The following SNAP29 variants were observed in gnomAD, a reference collection of about 807,000 sequenced individuals.
SNAP29 encodes the protein synaptosome associated protein 29.
SNAP29 carries 13 observed loss-of-function variants against 27.9 expected under a neutral mutation model. That is an observed-to-expected ratio of 0.47 (90% confidence interval 0.30 to 0.74). The LOEUF (loss-of-function observed/expected upper bound fraction) is 0.74. Ranked by LOEUF, SNAP29 falls within the 30% of genes least tolerant of loss-of-function variation. The pLI is 0.06. For missense variants in SNAP29, 368 were observed against 336.5 expected (o/e 1.09, Z -0.73); for synonymous variants, 119 against 127.1 (o/e 0.94, Z 0.43).
At position 20,887,932 on chromosome 22, in the gene SNAP29, T is replaced by A; in HGVS notation, c.*96T>A. The A allele has an allele frequency of 4.1e-6, 5 of 1,207,486 alleles. No homozygotes were observed. The highest frequency in any genetic ancestry group is 3.6e-6 in the Non-Finnish European group (3 of 830,404). The allele number at this position is 1,207,486 out of a possible 1,614,324, so 74.8% of individuals were successfully genotyped here. ...TCATTTACTATTTTAGTATGTAAATTAATGTGTGTTTGCAAATGTTATAAT... is the reference window on the plus strand; with the variant it reads ...TCATTTACTATTTTAGTATGTAAATAAATGTGTGTTTGCAAATGTTATAAT... On this transcript the variant is annotated 3_prime_UTR_variant, in exon 5 of 5. Transcript: ENST00000215730.
In SNAP29 at chr22:20,886,035, A is replaced by G. The variant is rs575833323; in HGVS notation, c.620-1644A>G. On this transcript the variant is annotated intron_variant, in intron 4 of 4. Coordinates refer to ENST00000215730, the MANE Select transcript of SNAP29 (RefSeq NM_004782.4). ...GAGCTTCCTCCTGAGGCCTGAGGCAACCACAGGCTCTGCTCTCCATGGAGC... is the reference window on the plus strand; with the variant it reads ...GAGCTTCCTCCTGAGGCCTGAGGCAGCCACAGGCTCTGCTCTCCATGGAGC... Among the ~76,000 whole-genome samples the G allele has an allele frequency of 9.2e-5, 14 of 151,594 alleles. No homozygotes were observed. In the East Asian group the frequency reaches 2.3e-3, roughly 25 times the overall value.
chr22:20,882,213 G>A (rs1001816265), intron 3 of SNAP29, among the ~76,000 whole-genome samples: 21 of 151,822 alleles, frequency 1.4e-4, no homozygotes, highest in African/African-American at 1.7e-4. Context: ...CTCCAGAACC[G>A]TAAGACAAGT....
chr22:20,867,767 G>C (rs1928495495), intron 1 of SNAP29, among the ~76,000 whole-genome samples: 1 of 152,170 alleles, frequency 6.6e-6, no homozygotes, highest in African/African-American at 2.4e-5. Flanking sequence ...ACAGACTCTG[G>C]GAGTTTGAGA....
chr22:20,887,249 A>G (rs1929039440), intron 4 of SNAP29, among the ~76,000 whole-genome samples: 1 of 151,000 alleles, frequency 6.6e-6, no homozygotes, highest in Non-Finnish European at 1.5e-5. Context: ...CAAAAAACTG[A>G]TTTTGCTTAG....
chr22:20,875,296 T>G (rs73879421), intron 2 of SNAP29, among the ~76,000 whole-genome samples: 1,569 of 152,296 alleles, frequency 0.01, 24 homozygotes, highest in African/African-American at 0.035. Flanking sequence ...CCCAAAGTCA[T>G]GTACCCTGCC....
intron 2 of SNAP29, among the ~76,000 whole-genome samples, chr22:20,880,615 C>G (rs1162618037): frequency 6.6e-6 from 1 of 152,140 alleles, no homozygotes; most frequent in African/African-American, 2.4e-5. Flanking sequence ...TTTGGTTGTT[C>G]CATGTGCTTT....
chr22:20,863,952 T>G (rs117136991), intron 1 of SNAP29, among the ~76,000 whole-genome samples: 4,518 of 152,316 alleles, frequency 0.03, 88 homozygotes, highest in Middle Eastern at 0.061. Context: ...TGGGCTTTCT[T>G]TTTGGCTGTG....
At chr22:20,885,808 A>C (rs1303920320) in intron 4 of SNAP29, among the ~76,000 whole-genome samples, 2 of 152,206 alleles carry the variant, frequency 1.3e-5, no homozygotes, top group Non-Finnish European at 2.9e-5. Flanking sequence ...CCCTGCTGAC[A>C]CAGGCCAGGC....
At chr22:20,870,790 C>T (rs1484710674) in intron 2 of SNAP29, 2 of 559,052 alleles carry the variant, frequency 3.6e-6, no homozygotes, top group African/African-American at 1.9e-5. Context: ...AGAGGGTGTT[C>T]ACCTCAGCGT....
intron 1 of SNAP29, among the ~76,000 whole-genome samples, chr22:20,865,760 G>C (rs947559740): frequency 1.3e-5 from 2 of 152,334 alleles, no homozygotes; most frequent in South Asian, 4.1e-4. Flanking sequence ...GCAGCGTCCA[G>C]GGGAAACCAG....
At position 20,859,045 on chromosome 22, in the gene SNAP29, G is replaced by A; in HGVS notation, c.-66G>A. 2 of 1,437,744 alleles carry A rather than the reference G, an allele frequency of 1.4e-6. No homozygotes were observed. The highest frequency in any genetic ancestry group is 1.9e-6 in the Non-Finnish European group (2 of 1,037,690). 89.1% of individuals were successfully genotyped at this position (1,437,744 alleles called of 1,614,324 possible). On this transcript the variant is annotated 5_prime_UTR_variant, in exon 1 of 5. Coordinates refer to ENST00000215730, the MANE Select transcript of SNAP29 (RefSeq NM_004782.4). Reference sequence around the variant, plus strand: ...CCGCGGGGTCGGCGGGCGGGGCGAGGCCCTGGACGGCGGCGGCAGTGGGGC... The same window carrying A: ...CCGCGGGGTCGGCGGGCGGGGCGAGACCCTGGACGGCGGCGGCAGTGGGGC...
chr22:20,884,766 ATGTTTTGTTT>A lies in SNAP29; in HGVS notation c.619+1215_619+1224del, dbSNP rs361756. 5.3e-4 allele frequency among the ~76,000 whole-genome samples: 80 copies of A among 150,906 alleles called. No individual in the cohort carries two copies. The South Asian group carries it at 6.5e-3, about 12-fold the overall frequency. ...CCCAGCAGGCAAGCACTTAGTGATT[ATGTTTTGTTT>A]TGTTTTGTTTTGTTTTGAGACAGAG... On this transcript the variant is annotated intron_variant, in intron 4 of 4. Transcript: ENST00000215730.
chr22:20,861,771 C>T (rs1446316668), intron 1 of SNAP29, among the ~76,000 whole-genome samples: 1 of 152,092 alleles, frequency 6.6e-6, no homozygotes, highest in African/African-American at 2.4e-5. Flanking sequence ...AGTAGCTGGG[C>T]TTACAGGCAC....
At chr22:20,880,912 AC>A (rs1388159130) in intron 2 of SNAP29, 136 bp from the exon 3 acceptor site, 3 of 649,198 alleles carry the variant, frequency 4.6e-6, no homozygotes, top group Non-Finnish European at 8.4e-6. Flanking sequence ...TGAAATCCCT[AC>A]TTTGGTCAGA....
At chr22:20,869,782 C>T (rs975502855) in intron 1 of SNAP29, among the ~76,000 whole-genome samples, 16 of 152,048 alleles carry the variant, frequency 1.1e-4, no homozygotes, top group Non-Finnish European at 1.8e-4. Flanking sequence ...TCCCCTCACC[C>T]CCAACCGAGA....
Position 20,887,909 on chromosome 22 carries a change from A to G in SNAP29, c.*73A>G. 7.1e-7 allele frequency: 1 copy of G among 1,407,272 alleles called. No homozygotes were observed. The highest frequency in any genetic ancestry group is 1.0e-6 in the Non-Finnish European group (1 of 999,046). 87.2% of individuals were successfully genotyped at this position (1,407,272 alleles called of 1,614,324 possible). A position where few individuals can be genotyped will look rare whatever the true frequency, so the allele number is the denominator to read the frequency against. The stretch of plus-strand genomic sequence containing the variant: ...TTTTTTTGAACTTCCAAGAAATTTC[A>G]TTTACTATTTTAGTATGTAAATTAA... On this transcript the variant is annotated 3_prime_UTR_variant, in exon 5 of 5. Coordinates refer to ENST00000215730, the MANE Select transcript of SNAP29 (RefSeq NM_004782.4).
rs1162545444 is a variant in SNAP29, at chr22:20,884,344, A to G, written c.619+775A>G. ...CGAAACTCCACCTAAAAAAAAAAAA[A>G]AAGAAGAAGTGAAGGGTATATTCTT... On this transcript the variant is annotated intron_variant, in intron 4 of 4. Transcript: ENST00000215730. Among the ~76,000 whole-genome samples, 18 of 152,016 alleles carry G rather than the reference A, an allele frequency of 1.2e-4. 1 individual carries two copies. The highest frequency in any genetic ancestry group is 6.2e-4 in the South Asian group (3 of 4,814).
rs549383998 is a variant in SNAP29, at chr22:20,874,339, C to T, written c.434+3806C>T. Among the ~76,000 whole-genome samples the T allele has an allele frequency of 2.1e-3, 293 of 139,804 alleles. 1 individual carries two copies. The highest frequency in any genetic ancestry group is 3.6e-3 in the Non-Finnish European group (231 of 63,858). 91.7% of individuals were successfully genotyped at this position (139,804 alleles called of 152,430 possible). On this transcript the variant is annotated intron_variant, in intron 2 of 4. Transcript: ENST00000215730. ...ACAGACACACACACACACACACACA[C>T]GAAAATTAGCCACACACACACACAC...
At chr22:20,887,454 AACACACACACACAT>A (rs1929044452) in intron 4 of SNAP29, among the ~76,000 whole-genome samples, 1 of 151,350 alleles carries the variant, frequency 6.6e-6, no homozygotes, top group African/African-American at 2.4e-5. Context: ...AGCGTGCACA[AACACACACACACAT>A]ACACACACAC....
Sources: allele counts gnomAD v4.1 joint callset (sites outside exome capture counted in the v4.1 genomes callset), GRCh38; gene constraint gnomAD v4.1.1; transcripts MANE v1.5; gene names NCBI Gene and HGNC (gene_info 2026-07-23, HGNC 2026-07-21).